The following RPRD2 variants were observed in gnomAD, a reference collection of about 807,000 sequenced individuals.
RPRD2 encodes the protein regulation of nuclear pre-mRNA domain-containing protein 2.
Under a neutral mutation model 104.4 loss-of-function variants are expected in RPRD2, and 12 were observed. That is an observed-to-expected ratio of 0.11 (90% CI 0.07 to 0.19). RPRD2 has a LOEUF of 0.19. Ranked by LOEUF, RPRD2 falls within the 10% of genes least tolerant of loss-of-function variation. RPRD2 has a pLI of 1.00. For missense variants in RPRD2, 1,543 were observed against 1,790.1 expected, an observed-to-expected ratio of 0.86 and a Z score of 2.49; for synonymous variants, 714 against 684.9, an observed-to-expected ratio of 1.04 and a Z score of -0.66.
rs782593234 is a variant in RPRD2, at chr1:150,397,849, C to T, written c.206-19747C>T. On this transcript the variant is annotated intron_variant, in intron 1 of 10. Coordinates refer to ENST00000369068, the MANE Select transcript of RPRD2 (RefSeq NM_015203.5). ...GCAGCTTCTGCTTCCCGGATTCAAG[C>T]GATTCTCCTGCCTCAGTCAGCCTCC... Among the ~76,000 whole-genome samples, 112 of 152,142 alleles carry T rather than the reference C, an allele frequency of 7.4e-4. 1 individual carries two copies. Among genetic ancestry groups the T allele is most frequent in the Admixed American group, 4.5e-3 (69 of 15,272 alleles).
intron 1 of RPRD2, among the ~76,000 whole-genome samples, chr1:150,390,470 G>A (rs1335468065): frequency 3.3e-5 from 5 of 152,136 alleles, no homozygotes; most frequent in African/African-American, 4.8e-5. Flanking sequence ...TTACACTCCA[G>A]CCTGGGCGAC....
chr1:150,463,949 C>T (rs1280272594), intron 9 of RPRD2, among the ~76,000 whole-genome samples: 1 of 152,092 alleles, frequency 6.6e-6, no homozygotes, highest in African/African-American at 2.4e-5. Context: ...TGAAGACCAC[C>T]CTGGGCAATG....
At position 150,434,647 on chromosome 1, in the gene RPRD2, C is replaced by CT. The variant is rs587619587; in HGVS notation, c.336-6275dup. On this transcript the variant is annotated intron_variant, in intron 2 of 10. Transcript: ENST00000369068. Reference sequence around the variant, plus strand: ...CCTGGACAACGTGGTGAAACCCTGTCTCTACCAAAAATACAAAAATTAGCC... The same window carrying CT: ...CCTGGACAACGTGGTGAAACCCTGTCTTCTACCAAAAATACAAAAATTAGCC... Among the ~76,000 whole-genome samples, 379 of 152,136 alleles carry CT rather than the reference C, an allele frequency of 2.5e-3. 1 individual carries two copies. Among genetic ancestry groups the CT allele is most frequent in the Non-Finnish European group, 4.4e-3 (300 of 67,984 alleles).
chr1:150,439,627 C>CTTTTTTTTTTTTTTTTT (rs66814229), intron 2 of RPRD2, among the ~76,000 whole-genome samples: 2 of 142,292 alleles, frequency 1.4e-5, no homozygotes, highest in Non-Finnish European at 3.0e-5. Context: ...TTTGACATAG[C>CTTTTTTTTTTTTTTTTT]TTTTTTTTTT....
chr1:150,471,570 C>G lies in RPRD2; in HGVS notation c.2622C>G (p.Ser874=). The change falls in exon 11 of 11, where the codon TCC becomes TCG. Residue 874 remains serine, a synonymous_variant. Coordinates refer to ENST00000369068, the MANE Select transcript of RPRD2 (RefSeq NM_015203.5). This position sits in a 1 kb window ranked among gnomAD's most constrained non-coding sequence, Gnocchi z 5.3. ...SDTTEYQPIL[S]SYSHRAQEFG... ...CCACCGAGTACCAGCCAATTCTGTCCAGTTATAGCCACAGAGCCCAAGAAT... is the reference window on the plus strand; with the variant it reads ...CCACCGAGTACCAGCCAATTCTGTCGAGTTATAGCCACAGAGCCCAAGAAT... 1 of 1,613,750 alleles carries G rather than the reference C, an allele frequency of 6.2e-7. No homozygotes were observed. Among genetic ancestry groups the G allele is most frequent in the South Asian group, 1.1e-5 (1 of 91,054 alleles).
intron 2 of RPRD2, among the ~76,000 whole-genome samples, chr1:150,438,651 G>A (rs1316948594): frequency 4.0e-5 from 6 of 151,856 alleles, no homozygotes; most frequent in African/African-American, 1.5e-4. Flanking sequence ...AGTATGTTCT[G>A]AAAAATGTGT....
At chr1:150,371,884 CTA>C (rs782275888) in intron 1 of RPRD2, among the ~76,000 whole-genome samples, 122 of 152,242 alleles carry the variant, frequency 8.0e-4, no homozygotes, top group Non-Finnish European at 1.4e-3. Flanking sequence ...ATTAACTAGA[CTA>C]TCAAGATTTT....
At chr1:150,459,793 C>T (rs1039317908) in intron 8 of RPRD2, among the ~76,000 whole-genome samples, 8 of 152,062 alleles carry the variant, frequency 5.3e-5, no homozygotes, top group South Asian at 2.1e-4. Context: ...AGGATTTCAC[C>T]ATGTTGACCA....
intron 1 of RPRD2, among the ~76,000 whole-genome samples, chr1:150,394,986 A>C (rs1662383895): frequency 6.6e-6 from 1 of 152,202 alleles, no homozygotes; most frequent in Non-Finnish European, 1.5e-5. Flanking sequence ...ATAGGGAAAT[A>C]ATTCTTTTTT....
chr1:150,461,873 G>A (rs1269024625), intron 9 of RPRD2, among the ~76,000 whole-genome samples: 6 of 152,020 alleles, frequency 3.9e-5, no homozygotes, highest in East Asian at 1.9e-4. Context: ...CCAGCTGCTC[G>A]GGAGGCTAAG....
intron 9 of RPRD2, among the ~76,000 whole-genome samples, chr1:150,462,536 A>C (rs2102418357): frequency 6.6e-6 from 1 of 151,732 alleles, no homozygotes; most frequent in Non-Finnish European, 1.5e-5. Context: ...AAACCTTTTT[A>C]ATGGAATTTT....
intron 10 of RPRD2, among the ~76,000 whole-genome samples, chr1:150,466,568 G>T (rs1553900062): frequency 6.7e-6 from 1 of 149,718 alleles, no homozygotes; most frequent in African/African-American, 2.5e-5. Context: ...AAAAATTTCT[G>T]AGACATGAAT....
chr1:150,471,655 T>A lies in RPRD2; in HGVS notation c.2707T>A (p.Cys903Ser). Residue 903 changes from cysteine (C) to serine (S), a missense_variant, in exon 11 of 11, where the codon TGT (cysteine) becomes AGT (serine). This residue lies in a region of RPRD2 where 880 missense variants were observed against 885.6 expected (regional missense o/e 0.99). Coordinates refer to ENST00000369068, the MANE Select transcript of RPRD2 (RefSeq NM_015203.5). This position sits in a 1 kb window ranked among gnomAD's most constrained non-coding sequence, Gnocchi z 5.3. ...VRALLDSSENCDRLSSSPGLF... is the reference protein window; with the variant it reads ...VRALLDSSENSDRLSSSPGLF... Reference sequence around the variant, plus strand: ...GGCCCTCCTGGACTCTAGTGAGAACTGTGACCGTCTCTCATCTTCCCCTGG... The same window carrying A: ...GGCCCTCCTGGACTCTAGTGAGAACAGTGACCGTCTCTCATCTTCCCCTGG... The A allele has an allele frequency of 6.2e-7, 1 of 1,613,924 alleles. No homozygotes were observed. The highest frequency in any genetic ancestry group is 2.2e-5 in the East Asian group (1 of 44,880).
chr1:150,389,674 A>G (rs1200471463), intron 1 of RPRD2, among the ~76,000 whole-genome samples: 1 of 152,158 alleles, frequency 6.6e-6, no homozygotes, highest in Non-Finnish European at 1.5e-5. Flanking sequence ...TAGGGGAGTT[A>G]TGCCGTCTAC....
intron 2 of RPRD2, among the ~76,000 whole-genome samples, chr1:150,424,448 C>T: frequency 6.6e-6 from 1 of 152,098 alleles, no homozygotes; most frequent in African/African-American, 2.4e-5. Flanking sequence ...CCACCATGCC[C>T]AGCTAATTTT....
At chr1:150,441,552 C>A in intron 3 of RPRD2, 1 of 234,618 alleles carries the variant, frequency 4.3e-6, no homozygotes, top group Non-Finnish European at 8.3e-6. Context: ...CTACCATGAC[C>A]GTCATTTTAC....
At chr1:150,423,213 G>A (rs1553890035) in intron 2 of RPRD2, among the ~76,000 whole-genome samples, 1 of 152,164 alleles carries the variant, frequency 6.6e-6, no homozygotes, top group Non-Finnish European at 1.5e-5. Flanking sequence ...CTAATTTGAA[G>A]CACAGGAAAA....
chr1:150,369,371 C>T (rs1399367874), intron 1 of RPRD2, among the ~76,000 whole-genome samples: 3 of 151,340 alleles, frequency 2.0e-5, no homozygotes, highest in Admixed American at 6.6e-5. Context: ...CAACCTCCGC[C>T]TCCTGGGCTC....
intron 1 of RPRD2, among the ~76,000 whole-genome samples, chr1:150,379,144 A>C (rs1426234423): frequency 3.3e-5 from 5 of 151,366 alleles, no homozygotes; most frequent in Admixed American, 2.6e-4. Context: ...TTAGACCGTC[A>C]TGGTGGCGTG....
Sources: gnomAD v4.1 joint callset for allele counts (sites outside exome capture counted in the v4.1 genomes callset) on GRCh38, gnomAD v4.1.1 for gene constraint, gnomAD v4.1.1 regional missense constraint, Gnocchi (gnomAD v3.1) non-coding constraint, MANE v1.5 for transcripts, NCBI Gene and HGNC (gene_info 2026-07-23, HGNC 2026-07-21) for gene names.